YIPF4: variants seen among roughly 807,000 people sequenced by gnomAD.
YIPF4 encodes protein YIPF4.
In YIPF4, 18 loss-of-function variants were observed where a neutral mutation model predicts 29.4. The observed-to-expected ratio is 0.61, with a 90% confidence interval of 0.42 to 0.91. The LOEUF (loss-of-function observed/expected upper bound fraction) is 0.91. YIPF4 is among the 40% of genes least tolerant of loss of function. The pLI is 0.00. For missense variants in YIPF4, 279 were observed against 282.7 expected (o/e 0.99, Z 0.09); for synonymous variants, 115 against 104.7 (o/e 1.10, Z -0.60).
chr2:32,305,758 G>A lies in YIPF4; in HGVS notation c.*132G>A, dbSNP rs1339002613. The A allele has an allele frequency of 5.6e-6, 7 of 1,256,346 alleles. No individual in the cohort carries two copies. Among genetic ancestry groups the A allele is most frequent in the Admixed American group, 4.1e-5 (1 of 24,294 alleles). 77.8% of individuals were successfully genotyped at this position (1,256,346 alleles called of 1,614,324 possible). On this transcript the variant is annotated 3_prime_UTR_variant, in exon 6 of 6. Transcript: ENST00000238831. ...TCCAGATGGAAAGGGAAGTCTAAGC[G>A]CTTTTTAAAACAATTTTTTTTTGTA... is the stretch of plus-strand genomic sequence containing the variant.
Position 32,277,978 on chromosome 2 carries a change from G to T in YIPF4, c.-178G>T. Reference sequence around the variant, plus strand: ...TCGCCACCAAGAAGACTTTGGTGGGGTAGTCTCGGGGCAGCTCAGCGGCCC... The same window carrying T: ...TCGCCACCAAGAAGACTTTGGTGGGTTAGTCTCGGGGCAGCTCAGCGGCCC... On this transcript the variant is annotated 5_prime_UTR_variant, in exon 1 of 6. Transcript: ENST00000238831. 1.8e-6 allele frequency: 1 copy of T among 554,020 alleles called. No homozygotes were observed. The highest frequency in any genetic ancestry group is 3.1e-6 in the Non-Finnish European group (1 of 319,112). 34.3% of individuals were successfully genotyped at this position (554,020 alleles called of 1,614,324 possible). A position where few individuals can be genotyped will look rare whatever the true frequency, so the allele number is the denominator to read the frequency against.
At position 32,312,965 on chromosome 2, in the gene YIPF4, T is replaced by G. The variant is rs1482175075; in HGVS notation, c.*7339T>G. On this transcript the variant is annotated 3_prime_UTR_variant, in exon 6 of 6. Coordinates refer to ENST00000238831, the MANE Select transcript of YIPF4 (RefSeq NM_032312.4). ...GAGATCGCGCCACTGCACTCCCGCC[T>G]GGGTGACAGAGCGAGACTCTGTCTC... 3 of 152,354 alleles carry G rather than the reference T, an allele frequency of 2.0e-5. No homozygotes were observed. In the East Asian group the frequency reaches 5.8e-4, roughly 29 times the overall value. The allele number at this position is 152,354 out of a possible 1,614,324, so 9.4% of individuals were successfully genotyped here. A position where few individuals can be genotyped will look rare whatever the true frequency, so the allele number is the denominator to read the frequency against.
intron 2 of YIPF4, among the ~76,000 whole-genome samples, chr2:32,291,458 C>T (rs1003166330): frequency 1.7e-4 from 26 of 152,130 alleles, no homozygotes; most frequent in Admixed American, 1.2e-3. Context: ...GCATGAGAAT[C>T]GCTTGAACCC....
chr2:32,294,418 C>T (rs1163194325), intron 3 of YIPF4, among the ~76,000 whole-genome samples: 1 of 152,106 alleles, frequency 6.6e-6, no homozygotes, highest in Non-Finnish European at 1.5e-5. Context: ...GCGCTCCTCA[C>T]ATCCCAGACG....
At chr2:32,284,444 A>T (rs1441254795) in intron 1 of YIPF4, among the ~76,000 whole-genome samples, 3 of 152,004 alleles carry the variant, frequency 2.0e-5, no homozygotes, top group African/African-American at 7.3e-5. Context: ...ATGGGGGTGG[A>T]CTTCCCTCTT....
At chr2:32,292,771 G>C (rs540136536) in intron 3 of YIPF4, among the ~76,000 whole-genome samples, 1 of 150,324 alleles carries the variant, frequency 6.7e-6, no homozygotes, top group African/African-American at 2.4e-5. Context: ...AGCTGAGGCA[G>C]GAGAATCACT....
At chr2:32,292,862 CAAAAAAAAAA>C (rs1217481341) in intron 3 of YIPF4, among the ~76,000 whole-genome samples, 1 of 77,894 alleles carries the variant, frequency 1.3e-5, no homozygotes, top group South Asian at 4.5e-4. Flanking sequence ...GACTCCATCT[CAAAAAAAAAA>C]AAAAAAAAAA....
At chr2:32,288,608 G>A (rs762047694) in intron 1 of YIPF4, among the ~76,000 whole-genome samples, 6 of 152,096 alleles carry the variant, frequency 3.9e-5, no homozygotes, top group South Asian at 4.1e-4. Context: ...TCAGGAGTTC[G>A]AGACCAGCCT....
chr2:32,306,611 A>G lies in YIPF4; in HGVS notation c.*985A>G, dbSNP rs1255378167. Reference sequence around the variant, plus strand: ...AGCACCATGTCCTGTATTACTTGATATTTTAACAAGTATCAGGTACTCTCT... The same window carrying G: ...AGCACCATGTCCTGTATTACTTGATGTTTTAACAAGTATCAGGTACTCTCT... On this transcript the variant is annotated 3_prime_UTR_variant, in exon 6 of 6. Transcript: ENST00000238831. 4.1e-6 allele frequency: 4 copies of G among 984,952 alleles called. No individual in the cohort carries two copies. The highest frequency in any genetic ancestry group is 4.8e-6 in the Non-Finnish European group (4 of 829,472). The allele number at this position is 984,952 out of a possible 1,614,324, so 61.0% of individuals were successfully genotyped here.
At position 32,305,622 on chromosome 2, in the gene YIPF4, TG is replaced by T; in HGVS notation, c.732del (p.Ter245AspfsTer6). The stretch of plus-strand genomic sequence containing the variant: ...TATTTTTTGTCGTTATATACTGGTG[TG>T]TGATCCAAGTTATACATGAATAGAA... Reference protein sequence around the residue: ...YIYFLSLYTGV With the variant: ...YIYFLSLYTGX On this transcript the variant is annotated frameshift_variant, in exon 6 of 6. Transcript: ENST00000238831. LOFTEE classifies it high-confidence loss of function. 1 of 1,587,296 alleles carries T rather than the reference TG, an allele frequency of 6.3e-7. No homozygotes were observed. Among genetic ancestry groups the T allele is most frequent in the South Asian group, 1.2e-5 (1 of 85,466 alleles).
intron 4 of YIPF4, 42 bp downstream of exon 4, chr2:32,298,353 G>A (rs1289311728): frequency 1.3e-6 from 2 of 1,499,470 alleles, no homozygotes; most frequent in African/African-American, 2.8e-5. Flanking sequence ...TATTTATGGT[G>A]AGCTTAGTTT....
At chr2:32,293,011 T>C (rs2030984528) in intron 3 of YIPF4, among the ~76,000 whole-genome samples, 1 of 151,480 alleles carries the variant, frequency 6.6e-6, no homozygotes, top group Non-Finnish European at 1.5e-5. Context: ...GTAATACTCA[T>C]ATTCATATTT....
chr2:32,304,368 T>C (rs2148967884), intron 5 of YIPF4, among the ~76,000 whole-genome samples: 1 of 152,292 alleles, frequency 6.6e-6, no homozygotes, highest in African/African-American at 2.4e-5. Context: ...TTTTATTTTA[T>C]ATATTTCCCT....
intron 5 of YIPF4, among the ~76,000 whole-genome samples, chr2:32,303,187 G>A (rs1476616062): frequency 6.6e-6 from 1 of 152,152 alleles, no homozygotes; most frequent in East Asian, 1.9e-4. Flanking sequence ...TGGGCAACGT[G>A]GCGAAACTCC....
chr2:32,287,340 A>G (rs1343012735), intron 1 of YIPF4, among the ~76,000 whole-genome samples: 1 of 152,174 alleles, frequency 6.6e-6, no homozygotes, highest in Non-Finnish European at 1.5e-5. Flanking sequence ...TCTGTGGCAC[A>G]TATACACAAC....
chr2:32,289,927 A>G (rs1246173815), intron 1 of YIPF4, among the ~76,000 whole-genome samples: 1 of 152,216 alleles, frequency 6.6e-6, no homozygotes, highest in Non-Finnish European at 1.5e-5. Context: ...ATCAAGAATT[A>G]AGCATTAATA....
chr2:32,285,022 G>C (rs1168021710), intron 1 of YIPF4, among the ~76,000 whole-genome samples: 1 of 152,102 alleles, frequency 6.6e-6, no homozygotes, highest in East Asian at 1.9e-4. Flanking sequence ...TGAAGAGTAT[G>C]GATTGGAAGG....
Position 32,278,220 on chromosome 2 carries a change from C to T in YIPF4, c.65C>T (p.Ser22Leu), listed in dbSNP as rs943173494. 7 of 1,566,876 alleles carry T rather than the reference C, an allele frequency of 4.5e-6. No individual in the cohort carries two copies. The highest frequency in any genetic ancestry group is 6.1e-6 in the Non-Finnish European group (7 of 1,156,408). The change falls in exon 1 of 6, where the codon TCA becomes TTA. Residue 22 changes from serine (S) to leucine (L), a missense_variant. Ser to Leu is a moderately radical substitution (Grantham distance 145). Coordinates refer to ENST00000238831, the MANE Select transcript of YIPF4 (RefSeq NM_032312.4). The stretch of plus-strand genomic sequence containing the variant: ...AACGGGGACTTCACCTTTGTCTCCT[C>T]AGCAGACGCGGAAGGTGAGGCTGAG... ...PTNGDFTFVS[S>L]ADAEDLSGSI...
At chr2:32,297,757 C>T (rs976980919) in intron 3 of YIPF4, among the ~76,000 whole-genome samples, 2 of 152,112 alleles carry the variant, frequency 1.3e-5, no homozygotes, top group African/African-American at 4.8e-5. Context: ...ACCATTCCAG[C>T]AGACAGCTTC....
Sources: gnomAD v4.1 joint callset for allele counts (sites outside exome capture counted in the v4.1 genomes callset) on GRCh38, gnomAD v4.1.1 for gene constraint, MANE v1.5 for transcripts, NCBI Gene and HGNC (gene_info 2026-07-23, HGNC 2026-07-21) for gene names.